NRG3: variants seen among roughly 807,000 people sequenced by gnomAD.
The protein encoded by NRG3 is neuregulin 3, also known as pro-neuregulin-3, membrane-bound isoform.
NRG3 carries 31 observed loss-of-function variants against 66.9 expected under a neutral mutation model. That is an observed-to-expected ratio of 0.46 (90% CI 0.35 to 0.63). The LOEUF is 0.63. Among genes scored for constraint, NRG3 ranks in the 20% least tolerant of loss-of-function variants. The probability of loss-of-function intolerance (pLI) is 0.00; values close to 1 mark genes in which losing one functional copy is unlikely to be tolerated. For missense variants in NRG3, 910 were observed against 878.9 expected (o/e 1.04, Z -0.45); for synonymous variants, 393 against 359.4 (o/e 1.09, Z -1.06).
At chr10:82,784,922 A>G (rs1267790777) in intron 3 of NRG3, among the ~76,000 whole-genome samples, 1 of 152,182 alleles carries the variant, frequency 6.6e-6, no homozygotes, top group East Asian at 1.9e-4. Context: ...TCATTTCATC[A>G]CTATTCACAA....
At chr10:81,932,128 G>A (rs947749742) in intron 1 of NRG3, among the ~76,000 whole-genome samples, 29 of 151,922 alleles carry the variant, frequency 1.9e-4, no homozygotes, top group Admixed American at 1.8e-3. Context: ...GGTGAAGCAG[G>A]AGCAAACACG....
intron 1 of NRG3, among the ~76,000 whole-genome samples, chr10:82,096,498 A>G (rs1168280050): frequency 1.3e-5 from 2 of 151,940 alleles, no homozygotes; most frequent in Non-Finnish European, 2.9e-5. Context: ...AAAAAAAACA[A>G]CAACAACCAC....
At position 82,396,379 on chromosome 10, in the gene NRG3, A is replaced by G. The variant is rs532119696; in HGVS notation, c.953+37511A>G. On this transcript the variant is annotated intron_variant, in intron 2 of 8. Coordinates refer to ENST00000372141, the MANE Select transcript of NRG3 (RefSeq NM_001010848.4). ...GGTCACCTAGTGCTCCTATAATTTCATTTACATTTAATTCAAATTCCACTT... is the reference window on the plus strand; with the variant it reads ...GGTCACCTAGTGCTCCTATAATTTCGTTTACATTTAATTCAAATTCCACTT... Among the ~76,000 whole-genome samples the G allele has an allele frequency of 3.3e-5, 5 of 152,178 alleles. No individual in the cohort carries two copies. In the South Asian group the frequency reaches 8.3e-4, roughly 25 times the overall value.
intron 1 of NRG3, among the ~76,000 whole-genome samples, chr10:82,278,934 T>G (rs1414742134): frequency 6.6e-6 from 1 of 152,160 alleles, no homozygotes; most frequent in African/African-American, 2.4e-5. Context: ...GTTAGGTGTC[T>G]GCTTCGGTTT....
chr10:82,272,226 A>G (rs980608874), intron 1 of NRG3, among the ~76,000 whole-genome samples: 2 of 152,028 alleles, frequency 1.3e-5, no homozygotes, highest in Admixed American at 6.6e-5. Flanking sequence ...TGAAGCAAGA[A>G]AAAAATGTGA....
intron 2 of NRG3, among the ~76,000 whole-genome samples, chr10:82,718,038 C>T (rs765103552): frequency 6.6e-6 from 1 of 152,018 alleles, no homozygotes; most frequent in Non-Finnish European, 1.5e-5. Context: ...TAACATATTC[C>T]TCTGAGTAAT....
chr10:82,564,019 C>A (rs930906802), intron 2 of NRG3, among the ~76,000 whole-genome samples: 4 of 151,904 alleles, frequency 2.6e-5, no homozygotes, highest in Admixed American at 2.0e-4. Context: ...AAAAGTACTT[C>A]TATTTGTGAT....
intron 1 of NRG3, among the ~76,000 whole-genome samples, chr10:82,317,264 C>G (rs1050257906): frequency 6.7e-6 from 1 of 149,512 alleles, no homozygotes; most frequent in Non-Finnish European, 1.5e-5. Flanking sequence ...CAACAGTAAT[C>G]TAGTTTGCCA....
intron 2 of NRG3, among the ~76,000 whole-genome samples, chr10:82,504,688 CA>C (rs1844509745): frequency 6.6e-6 from 1 of 152,062 alleles, no homozygotes; most frequent in Non-Finnish European, 1.5e-5. Context: ...AAAGTAAGCC[CA>C]AATACAAAGT....
chr10:82,554,118 T>A (rs942564326), intron 2 of NRG3, among the ~76,000 whole-genome samples: 17 of 152,268 alleles, frequency 1.1e-4, no homozygotes, highest in African/African-American at 4.1e-4. Flanking sequence ...GACTTTAGTT[T>A]TTACAGGAAG....
intron 2 of NRG3, among the ~76,000 whole-genome samples, chr10:82,452,316 A>G (rs2091053784): frequency 6.6e-6 from 1 of 152,220 alleles, no homozygotes; most frequent in South Asian, 2.1e-4. Context: ...CTGCTGAATC[A>G]GCTGTGTCTG....
chr10:82,672,401 C>G (rs918978764), intron 2 of NRG3, among the ~76,000 whole-genome samples: 4 of 151,996 alleles, frequency 2.6e-5, no homozygotes, highest in African/African-American at 4.8e-5. Flanking sequence ...TGAAAATGCA[C>G]CTGGGTGATA....
chr10:82,754,898 C>T (rs1591419365), intron 3 of NRG3, among the ~76,000 whole-genome samples: 1 of 152,096 alleles, frequency 6.6e-6, no homozygotes, highest in Non-Finnish European at 1.5e-5. Context: ...AAGACACCAG[C>T]CTGTGTATAG....
At chr10:82,949,896 G>A (rs564428544) in intron 4 of NRG3, among the ~76,000 whole-genome samples, 1 of 151,968 alleles carries the variant, frequency 6.6e-6, no homozygotes, top group Non-Finnish European at 1.5e-5. Flanking sequence ...AAAAGATCCT[G>A]ATTTAGAAAG....
intron 2 of NRG3, among the ~76,000 whole-genome samples, chr10:82,467,977 C>T (rs936363076): frequency 1.3e-5 from 2 of 151,988 alleles, no homozygotes; most frequent in African/African-American, 4.8e-5. Context: ...GATCACATAT[C>T]TCCTAAGGGA....
chr10:82,233,713 C>G (rs1213500649), intron 1 of NRG3, among the ~76,000 whole-genome samples: 1 of 152,106 alleles, frequency 6.6e-6, no homozygotes, highest in African/African-American at 2.4e-5. Flanking sequence ...TCTTCCCTTT[C>G]AAGATAAATG....
intron 1 of NRG3, among the ~76,000 whole-genome samples, chr10:82,062,225 T>C (rs532576034): frequency 4.6e-5 from 7 of 152,194 alleles, no homozygotes; most frequent in African/African-American, 1.4e-4. Context: ...GCTCATTTCT[T>C]TATTATCTGC....
At chr10:82,101,269 A>G (rs533962255) in intron 1 of NRG3, among the ~76,000 whole-genome samples, 1 of 151,924 alleles carries the variant, frequency 6.6e-6, no homozygotes, top group African/African-American at 2.4e-5. Context: ...CAGTTAAAGC[A>G]GCTTTTGATT....
chr10:82,624,629 C>A (rs2049281021), intron 2 of NRG3, among the ~76,000 whole-genome samples: 1 of 151,066 alleles, frequency 6.6e-6, no homozygotes, highest in African/African-American at 2.4e-5. Context: ...TTTTTAACAA[C>A]TTTTATTCCA....
Sources: gnomAD v4.1 joint callset for allele counts (sites outside exome capture counted in the v4.1 genomes callset) on GRCh38, gnomAD v4.1.1 for gene constraint, MANE v1.5 for transcripts, NCBI Gene and HGNC (gene_info 2026-07-23, HGNC 2026-07-21) for gene names.